Variants in SLC4A10 observed in about 807,000 individuals in gnomAD.
The protein encoded by SLC4A10 is sodium-driven chloride bicarbonate exchanger.
A neutral mutation model predicts 137.7 loss-of-function variants in SLC4A10; 42 were observed. The ratio of observed to expected loss-of-function variants is 0.30; its 90% confidence interval spans 0.24 to 0.39. The LOEUF is 0.39. SLC4A10 is among the 10% of genes least tolerant of loss of function. SLC4A10 has a pLI of 1.00. For synonymous variants in SLC4A10, 474 were observed against 464.1 expected, an observed-to-expected ratio of 1.02 and a Z score of -0.27; for missense variants, 925 against 1,355.0, an observed-to-expected ratio of 0.68 and a Z score of 4.98.
chr2:161,752,869 T>C (rs1234978028), intron 1 of SLC4A10, among the ~76,000 whole-genome samples: 1 of 152,104 alleles, frequency 6.6e-6, no homozygotes, highest in Non-Finnish European at 1.5e-5. Context: ...TTAATAACAA[T>C]CTATTGTGTA....
chr2:161,758,480 C>T (rs903011143), intron 1 of SLC4A10, among the ~76,000 whole-genome samples: 13 of 151,964 alleles, frequency 8.6e-5, no homozygotes, highest in African/African-American at 2.9e-4. Flanking sequence ...TTCCACTCTG[C>T]TTTGATTTGT....
At chr2:161,934,302 T>G (rs1575722417) in intron 15 of SLC4A10, among the ~76,000 whole-genome samples, 1 of 152,162 alleles carries the variant, frequency 6.6e-6, no homozygotes, top group East Asian at 1.9e-4. Flanking sequence ...CACCCCCACT[T>G]GCCTGCCCAC....
chr2:161,660,548 T>G (rs548413824), intron 1 of SLC4A10, among the ~76,000 whole-genome samples: 5 of 147,828 alleles, frequency 3.4e-5, no homozygotes, highest in African/African-American at 1.3e-4. Context: ...GTTTGTGTAC[T>G]CATCTATATT....
chr2:161,809,260 G>T (rs951032745), intron 3 of SLC4A10, among the ~76,000 whole-genome samples: 6 of 151,818 alleles, frequency 4.0e-5, no homozygotes, highest in African/African-American at 1.5e-4. Flanking sequence ...TTTAAATTTT[G>T]CTTGTGGATT....
At chr2:161,763,610 T>C (rs188966642) in intron 1 of SLC4A10, among the ~76,000 whole-genome samples, 14 of 152,174 alleles carry the variant, frequency 9.2e-5, no homozygotes, top group Non-Finnish European at 1.3e-4. Context: ...AAAGGAGTCA[T>C]AGGACAAGAG....
At chr2:161,631,092 A>C (rs1043811299) in intron 1 of SLC4A10, among the ~76,000 whole-genome samples, 7 of 151,712 alleles carry the variant, frequency 4.6e-5, no homozygotes, top group Non-Finnish European at 8.9e-5. Context: ...AGAATAGGCA[A>C]GTCCTTAGAG....
chr2:161,836,597 A>G (rs62187719), intron 3 of SLC4A10, among the ~76,000 whole-genome samples: 309 of 29,172 alleles, frequency 0.011, 16 homozygotes, highest in South Asian at 0.024. Flanking sequence ...AGAAAGAAAG[A>G]AAGGAAGGAA....
At chr2:161,959,692 T>A (rs151215234) in intron 21 of SLC4A10, among the ~76,000 whole-genome samples, 3,353 of 152,278 alleles carry the variant, frequency 0.022, 82 homozygotes, top group Non-Finnish European at 0.027. Flanking sequence ...TTCAAAGTCA[T>A]ACATGGTCTT....
At chr2:161,763,801 G>C (rs2050514926) in intron 1 of SLC4A10, among the ~76,000 whole-genome samples, 2 of 152,130 alleles carry the variant, frequency 1.3e-5, no homozygotes, top group Admixed American at 6.6e-5. Flanking sequence ...GGAAAAGAGT[G>C]CTAAGCAGAT....
rs142087391 is a variant in SLC4A10, at chr2:161,689,603, A to T, written c.48+65037A>T. On this transcript the variant is annotated intron_variant, in intron 1 of 26. Transcript: ENST00000446997. ...AATTGCCTAAGAACACATTTCTCAG[A>T]ACATGTCCCTGTCATTAAGTGAGGC... Among the ~76,000 whole-genome samples, 859 of 152,318 alleles carry T rather than the reference A, an allele frequency of 5.6e-3. 3 individuals carry two copies. The highest frequency in any genetic ancestry group is 0.01 in the Non-Finnish European group (689 of 68,030).
At chr2:161,877,362 T>A (rs2125947582) in intron 8 of SLC4A10, among the ~76,000 whole-genome samples, 1 of 152,212 alleles carries the variant, frequency 6.6e-6, no homozygotes, top group African/African-American at 2.4e-5. Context: ...TCATTGTTCT[T>A]TCCATTGAGA....
chr2:161,730,114 A>G (rs2046668787), intron 1 of SLC4A10, among the ~76,000 whole-genome samples: 1 of 152,186 alleles, frequency 6.6e-6, no homozygotes, highest in Non-Finnish European at 1.5e-5. Context: ...ACAATACATT[A>G]ATTAATTAAC....
chr2:161,900,684 T>C (rs977137720), intron 11 of SLC4A10, among the ~76,000 whole-genome samples: 17 of 152,046 alleles, frequency 1.1e-4, no homozygotes, highest in African/African-American at 3.9e-4. Flanking sequence ...ATTCTCTTAG[T>C]CACACTATAA....
chr2:161,873,200 G>A (rs542267403), intron 7 of SLC4A10, among the ~76,000 whole-genome samples: 1 of 152,254 alleles, frequency 6.6e-6, no homozygotes, highest in African/African-American at 2.4e-5. Flanking sequence ...AACATATTAA[G>A]AACTGACTGT....
At chr2:161,883,198 T>C (rs2061948134) in intron 10 of SLC4A10, among the ~76,000 whole-genome samples, 2 of 152,168 alleles carry the variant, frequency 1.3e-5, no homozygotes, top group South Asian at 4.1e-4. Context: ...GGGCATTAAA[T>C]CAAAATTCAG....
chr2:161,807,760 G>C (rs1374485869), intron 3 of SLC4A10, among the ~76,000 whole-genome samples: 2 of 151,818 alleles, frequency 1.3e-5, no homozygotes, highest in Non-Finnish European at 2.9e-5. Flanking sequence ...TTTTTAATAG[G>C]AAGCAGCATT....
At chr2:161,978,920 G>C (rs1699816364) in intron 26 of SLC4A10, among the ~76,000 whole-genome samples, 1 of 152,072 alleles carries the variant, frequency 6.6e-6, no homozygotes, top group Admixed American at 6.5e-5. Context: ...AAAGATCCTT[G>C]CTACAGTCTG....
intron 6 of SLC4A10, among the ~76,000 whole-genome samples, chr2:161,870,142 AT>A (rs1259147199): frequency 1.3e-5 from 2 of 151,072 alleles, no homozygotes; most frequent in African/African-American, 2.4e-5. Context: ...TATTATTATA[AT>A]TATTACATAA....
intron 3 of SLC4A10, among the ~76,000 whole-genome samples, chr2:161,816,733 G>A (rs1160971452): frequency 1.3e-5 from 2 of 149,378 alleles, no homozygotes; most frequent in African/African-American, 4.9e-5. Flanking sequence ...TGCGGTGTTT[G>A]GTTTTTTGTC....
Sources: gnomAD v4.1 joint callset for allele counts (sites outside exome capture counted in the v4.1 genomes callset) on GRCh38, gnomAD v4.1.1 for gene constraint, MANE v1.5 for transcripts, NCBI Gene and HGNC (gene_info 2026-07-23, HGNC 2026-07-21) for gene names.